Variants in CD9 observed in about 807,000 individuals in gnomAD.
CD9 encodes CD9 molecule, also known as CD9 antigen.
In CD9, 10 loss-of-function variants were observed where a neutral mutation model predicts 31.4. That is an observed-to-expected ratio of 0.32 (90% CI 0.20 to 0.54). The LOEUF is 0.54. Among genes scored for constraint, CD9 ranks in the 20% least tolerant of loss-of-function variants. The probability of loss-of-function intolerance (pLI) is 0.94; values close to 1 mark genes in which losing one functional copy is unlikely to be tolerated. For synonymous variants in CD9, 113 were observed against 114.1 expected (o/e 0.99, Z 0.06); for missense variants, 259 against 300.1 (o/e 0.86, Z 1.01).
At position 6,235,469 on chromosome 12, in the gene CD9, G is replaced by A. The variant is rs528907857; in HGVS notation, c.448-7G>A. 71 of 1,613,798 alleles carry A rather than the reference G, an allele frequency of 4.4e-5. No individual in the cohort carries two copies. Among genetic ancestry groups the A allele is most frequent in the Admixed American group, 4.0e-4 (24 of 60,004 alleles). ...CTCTCATCCCCATCCCTGCCTTCTC[G>A]CTGTAGTTGAACTGCTGTGGTTTGG... On this transcript the variant is annotated splice_polypyrimidine_tract_variant and splice_region_variant and intron_variant, in intron 5 of 7. Coordinates refer to ENST00000009180, the MANE Select transcript of CD9 (RefSeq NM_001769.4).
At chr12:6,219,164 C>T (rs1224454557) in intron 1 of CD9, among the ~76,000 whole-genome samples, 1 of 152,014 alleles carries the variant, frequency 6.6e-6, no homozygotes, top group Non-Finnish European at 1.5e-5. Context: ...CACCACCACG[C>T]CCGGCTAATT....
At chr12:6,209,232 T>G (rs182102573) in intron 1 of CD9, among the ~76,000 whole-genome samples, 1 of 152,356 alleles carries the variant, frequency 6.6e-6, no homozygotes, top group East Asian at 1.9e-4. Context: ...AGTGCTGGGA[T>G]TATAGGCGTG....
In CD9 at chr12:6,237,905, TTTG is replaced by T. The variant is rs1565431494; in HGVS notation, c.*83_*85del. 2.8e-6 allele frequency: 3 copies of T among 1,061,806 alleles called. No individual in the cohort carries two copies. The highest frequency in any genetic ancestry group is 4.8e-5 in the East Asian group (2 of 41,308). 65.8% of individuals were successfully genotyped at this position (1,061,806 alleles called of 1,614,324 possible). On this transcript the variant is annotated 3_prime_UTR_variant, in exon 8 of 8. Transcript: ENST00000009180. The stretch of plus-strand genomic sequence containing the variant: ...TTTTTTGTTTGTTTGTTTTGTTTTG[TTTG>T]TTGTTTGTTGTTTGTTTTTTTGCCA...
At chr12:6,204,641 G>C (rs978621643) in intron 1 of CD9, among the ~76,000 whole-genome samples, 5 of 152,234 alleles carry the variant, frequency 3.3e-5, no homozygotes, top group Non-Finnish European at 5.9e-5. Context: ...CTCATCACCA[G>C]ATGGGGCTGG....
chr12:6,222,485 T>G (rs1946304347), intron 1 of CD9, among the ~76,000 whole-genome samples: 1 of 152,204 alleles, frequency 6.6e-6, no homozygotes, highest in South Asian at 2.1e-4. Context: ...AGTGAAATGT[T>G]GTAGCTTTGA....
chr12:6,227,152 A>T (rs1459398848), intron 2 of CD9, among the ~76,000 whole-genome samples: 1 of 151,556 alleles, frequency 6.6e-6, no homozygotes, highest in Non-Finnish European at 1.5e-5. Flanking sequence ...TCTCATGGGT[A>T]AGAGGATGGA....
intron 1 of CD9, among the ~76,000 whole-genome samples, chr12:6,222,631 C>T (rs1946306350): frequency 6.6e-6 from 1 of 152,240 alleles, no homozygotes; most frequent in Non-Finnish European, 1.5e-5. Context: ...AGTTCTCCAG[C>T]CCAGCATCCT....
At chr12:6,222,724 A>C (rs907214491) in intron 1 of CD9, among the ~76,000 whole-genome samples, 10 of 152,142 alleles carry the variant, frequency 6.6e-5, no homozygotes, top group African/African-American at 2.4e-4. Context: ...GGCTCTCTAT[A>C]AGATGGAAGG....
chr12:6,226,740 GA>G (rs937852439), intron 2 of CD9, among the ~76,000 whole-genome samples: 5 of 151,970 alleles, frequency 3.3e-5, no homozygotes, highest in Admixed American at 6.6e-5. Context: ...TGTATGTTTA[GA>G]AAAAAAACTA....
At chr12:6,209,278 CAATAGA>C (rs533010677) in intron 1 of CD9, among the ~76,000 whole-genome samples, 22 of 152,258 alleles carry the variant, frequency 1.4e-4, no homozygotes, top group Non-Finnish European at 1.8e-4. Context: ...CTTTTCAAGT[CAATAGA>C]AATCTGGTGT....
At position 6,235,559 on chromosome 12, in the gene CD9, C is replaced by A. The variant is rs80271009; in HGVS notation, c.531C>A (p.Thr177=). Residue 177 remains threonine (T), a synonymous_variant, in exon 6 of 8, where the codon ACC becomes ACA. Transcript: ENST00000009180. The part of the protein sequence containing the change: ...CPKKDVLETF[T]VKSCPDAIKE... ...AGAAGGACGTACTCGAAACCTTCAC[C>A]GTGAAGGTAAACTCAGACCAGGATC... 3.1e-6 allele frequency: 5 copies of A among 1,611,458 alleles called. No individual in the cohort carries two copies. The highest frequency in any genetic ancestry group is 1.3e-5 in the African/African-American group (1 of 74,914).
chr12:6,235,891 T>A, intron 6 of CD9: 1 of 1,369,554 alleles, frequency 7.3e-7, no homozygotes. Context: ...CCAGAGTTAA[T>A]GTCCAACTCC....
chr12:6,233,717 A>G (rs1411614369), intron 4 of CD9, among the ~76,000 whole-genome samples: 1 of 151,984 alleles, frequency 6.6e-6, no homozygotes, highest in Non-Finnish European at 1.5e-5. Context: ...CTCATAGTAG[A>G]TGTTCAGAAA....
intron 3 of CD9, 87 bp from the exon 4 acceptor site, chr12:6,233,324 GT>G (rs1484223339): frequency 1.1e-6 from 1 of 936,094 alleles, no homozygotes; most frequent in Non-Finnish European, 1.8e-6. Flanking sequence ...CCAGGGAGTT[GT>G]CCTTCTTCCT....
chr12:6,224,668 G>A (rs911730911), intron 1 of CD9, among the ~76,000 whole-genome samples: 2 of 152,174 alleles, frequency 1.3e-5, no homozygotes, highest in African/African-American at 4.8e-5. Context: ...GGAGGCCTGT[G>A]AGTCACTCCC....
intron 1 of CD9, chr12:6,225,184 T>C (rs1342764488): frequency 1.5e-5 from 8 of 539,172 alleles, no homozygotes; most frequent in Non-Finnish European, 2.3e-5. Flanking sequence ...CTGTTGCCTA[T>C]AAAATACCCC....
chr12:6,233,003 C>T (rs1169990343), intron 3 of CD9: 1 of 702,434 alleles, frequency 1.4e-6, no homozygotes, highest in Non-Finnish European at 2.6e-6. Context: ...CCTGAATCCA[C>T]AGGTACCTTT....
chr12:6,228,571 A>C lies in CD9; in HGVS notation c.175+3037A>C, dbSNP rs912131173. ...GGGACTCCATCTCAAAAAAAAAAAA[A>C]AAAAAAAAAACAGCAGCACAGCACT... On this transcript the variant is annotated intron_variant, in intron 2 of 7. Coordinates refer to ENST00000009180, the MANE Select transcript of CD9 (RefSeq NM_001769.4). Among the ~76,000 whole-genome samples, 269 of 151,760 alleles carry C rather than the reference A, an allele frequency of 1.8e-3. 1 individual carries two copies. Among genetic ancestry groups the C allele is most frequent in the African/African-American group, 6.3e-3 (259 of 41,418 alleles).
chr12:6,202,622 CTCTG>C (rs376519627), intron 1 of CD9, among the ~76,000 whole-genome samples: 67 of 152,232 alleles, frequency 4.4e-4, no homozygotes, highest in African/African-American at 1.5e-3. Context: ...CTGGTATCTA[CTCTG>C]TCTGTGGCCT....
Sources: gnomAD v4.1 joint callset for allele counts (sites outside exome capture counted in the v4.1 genomes callset) on GRCh38, gnomAD v4.1.1 for gene constraint, MANE v1.5 for transcripts, NCBI Gene and HGNC (gene_info 2026-07-23, HGNC 2026-07-21) for gene names.